The following RYR3 variants were observed in gnomAD, a reference collection of about 807,000 sequenced individuals.
RYR3 encodes brain ryanodine receptor-calcium release channel.
RYR3 carries 207 observed loss-of-function variants against 584.3 expected under a neutral mutation model. The ratio of observed to expected loss-of-function variants is 0.35; its 90% CI spans 0.32 to 0.40. The LOEUF is 0.40. Among genes scored for constraint, RYR3 ranks in the 10% least tolerant of loss-of-function variants. RYR3 has a pLI of 1.00. For synonymous variants in RYR3, 2,416 were observed against 2,248.5 expected (o/e 1.07, Z -2.11); for missense variants, 5,616 against 6,089.2 (o/e 0.92, Z 2.59).
chr15:33,662,527 G>A lies in RYR3; in HGVS notation c.4997G>A (p.Arg1666Lys), dbSNP rs763415595. The A allele has an allele frequency of 3.7e-6, 6 of 1,614,008 alleles. No individual in the cohort carries two copies. The highest frequency in any genetic ancestry group is 4.2e-6 in the Non-Finnish European group (5 of 1,179,904). ...AGAACATGTCTCAAGCCCGGGTTCA[G>A]GTTCTCCACCCCTTGCTTTGTTGTG... Reference protein sequence around the residue: ...GLRTCLKPGFRFSTPCFVVTG... With the variant: ...GLRTCLKPGFKFSTPCFVVTG... Residue 1666 changes from arginine to lysine, a missense_variant, in exon 35 of 104, where the codon AGG becomes AAG. By Grantham distance (26) the Arg-to-Lys change is conservative. Transcript: ENST00000634891.
intron 1 of RYR3, among the ~76,000 whole-genome samples, chr15:33,445,664 AACACACACACACACACACACAC>A (rs61585713): frequency 8.5e-5 from 9 of 106,036 alleles, no homozygotes; most frequent in South Asian, 7.8e-4. Context: ...TTCCCCCACC[AACACACACACACACACACACAC>A]ACACACACAC....
intron 60 of RYR3, among the ~76,000 whole-genome samples, chr15:33,763,962 T>C (rs2072763667): frequency 6.9e-6 from 1 of 144,388 alleles, no homozygotes; most frequent in Non-Finnish European, 1.5e-5. Context: ...GAAATAGGAA[T>C]GCTTTTACAC....
chr15:33,660,965 C>A (rs762166857), intron 34 of RYR3, among the ~76,000 whole-genome samples: 2 of 152,198 alleles, frequency 1.3e-5, no homozygotes, highest in African/African-American at 4.8e-5. Context: ...TAAGTATAAT[C>A]TGGTACAGTT....
intron 82 of RYR3, chr15:33,825,878 TC>T (rs1274887146): frequency 1.1e-5 from 6 of 526,974 alleles, no homozygotes; most frequent in Non-Finnish European, 2.0e-5. Context: ...GATTACAGGC[TC>T]CCACCACCAC....
chr15:33,588,388 AT>A, intron 16 of RYR3, among the ~76,000 whole-genome samples: 1 of 152,282 alleles, frequency 6.6e-6, no homozygotes, highest in East Asian at 1.9e-4. Flanking sequence ...TAATTTTGTG[AT>A]TTTAGTTTTA....
chr15:33,505,915 C>A (rs1807352905), intron 3 of RYR3, among the ~76,000 whole-genome samples: 2 of 152,152 alleles, frequency 1.3e-5, no homozygotes, highest in African/African-American at 4.8e-5. Context: ...TAGACCCAGC[C>A]TACCATGGTC....
intron 1 of RYR3, among the ~76,000 whole-genome samples, chr15:33,338,537 T>C (rs528914703): frequency 3.9e-5 from 6 of 152,298 alleles, no homozygotes; most frequent in African/African-American, 1.2e-4. Context: ...AGACAAGTTA[T>C]CAATTTCCAT....
At chr15:33,760,308 G>A (rs112032882) in intron 60 of RYR3, among the ~76,000 whole-genome samples, 1 of 152,072 alleles carries the variant, frequency 6.6e-6, no homozygotes, top group Non-Finnish European at 1.5e-5. Context: ...GCAAATGGGC[G>A]AAATGCCCCA....
intron 1 of RYR3, among the ~76,000 whole-genome samples, chr15:33,420,669 A>ATT (rs111358737): frequency 6.6e-5 from 10 of 150,886 alleles, no homozygotes; most frequent in South Asian, 2.1e-4. Flanking sequence ...TTTTCCTTCG[A>ATT]TTTTTTTTTT....
Position 33,647,452 on chromosome 15 carries a change from A to T in RYR3, c.3970A>T (p.Thr1324Ser). 1 of 1,604,738 alleles carries T rather than the reference A, an allele frequency of 6.2e-7. No homozygotes were observed. The highest frequency in any genetic ancestry group is 8.5e-7 in the Non-Finnish European group (1 of 1,171,672). The stretch of plus-strand genomic sequence containing the variant: ...ACAGATGCAAGAAATACTCTCTCAT[A>T]CAACAACAGTAAGTAAATGTGCTCA... The part of the protein sequence containing the change: ...RKQMQEILSH[T>S]TTQCYYAIRI... Residue 1324 changes from threonine to serine, a missense_variant, in exon 30 of 104, where the codon ACA becomes TCA. Physicochemically the swap from Thr to Ser is moderately conservative, Grantham distance 58. This residue lies in a region of RYR3 where 753 missense variants were observed against 741.0 expected (regional missense o/e 1.02). Transcript: ENST00000634891.
At chr15:33,639,553 T>A (rs1338376628) in intron 27 of RYR3, among the ~76,000 whole-genome samples, 2 of 152,146 alleles carry the variant, frequency 1.3e-5, no homozygotes, top group African/African-American at 4.8e-5. Context: ...TTGTAGCGCC[T>A]ACCTCCCCCC....
intron 3 of RYR3, among the ~76,000 whole-genome samples, chr15:33,523,686 C>T (rs534901954): frequency 6.6e-6 from 1 of 152,140 alleles, no homozygotes; most frequent in East Asian, 1.9e-4. Context: ...GTGAGGCAGC[C>T]TTGAGAAGCA....
intron 67 of RYR3, 74 bp from the exon 68 acceptor site, chr15:33,800,696 G>T: frequency 9.6e-7 from 1 of 1,043,598 alleles, no homozygotes; most frequent in Non-Finnish European, 1.5e-6. Flanking sequence ...TCCAGTGCTG[G>T]TATAATTTTT....
chr15:33,561,839 C>T lies in RYR3; in HGVS notation c.973-998C>T, dbSNP rs113465763. 3.8e-3 allele frequency among the ~76,000 whole-genome samples: 570 copies of T among 151,052 alleles called. 4 individuals carry two copies. The highest frequency in any genetic ancestry group is 0.013 in the African/African-American group (542 of 41,070). ...CACTTGAGCCTGGGGGCAGAGGTTG[C>T]AGTGAGCCAAGATTGTACCACTGTC... On this transcript the variant is annotated intron_variant, in intron 10 of 103. Coordinates refer to ENST00000634891, the MANE Select transcript of RYR3 (RefSeq NM_001036.6).
chr15:33,768,496 G>C (rs1461521001), intron 60 of RYR3, among the ~76,000 whole-genome samples, 162 bp from the exon 61 acceptor site: 1 of 152,222 alleles, frequency 6.6e-6, no homozygotes, highest in Non-Finnish European at 1.5e-5. Flanking sequence ...ACATGTTCCT[G>C]AGTGTGGACC....
Position 33,697,901 on chromosome 15 carries a change from G to T in RYR3, c.6154G>T (p.Val2052Leu). 6.2e-7 allele frequency: 1 copy of T among 1,611,458 alleles called. No individual in the cohort carries two copies. The highest frequency in any genetic ancestry group is 1.1e-5 in the South Asian group (1 of 91,014). Residue 2052 changes from valine (V) to leucine (L), a missense_variant, in exon 40 of 104, where the codon GTG becomes TTG. This residue lies in a region of RYR3 where 1,280 missense variants were observed against 1,426.2 expected (regional missense o/e 0.90). Transcript: ENST00000634891. ...NGLGDIMNNKVFYQHPNLMRV... is the reference protein window; with the variant it reads ...NGLGDIMNNKLFYQHPNLMRV... The stretch of plus-strand genomic sequence containing the variant: ...TCCTAGAGACATAATGAACAACAAG[G>T]TGTTTTACCAGCATCCCAACCTCAT...
chr15:33,659,403 G>C (rs1175226538), intron 32 of RYR3, among the ~76,000 whole-genome samples: 1 of 152,222 alleles, frequency 6.6e-6, no homozygotes, highest in Admixed American at 6.5e-5. Flanking sequence ...CCAGCAGCAG[G>C]TATGCCTTTG....
At chr15:33,777,907 C>T (rs953891857) in intron 64 of RYR3, among the ~76,000 whole-genome samples, 3 of 152,176 alleles carry the variant, frequency 2.0e-5, no homozygotes, top group African/African-American at 2.4e-5. Context: ...CGGTGGCTCA[C>T]GCCTGTAATC....
chr15:33,423,681 CCATCCTAGTGGGTGTGAAGTAGAATCT>C (rs1330995732), intron 1 of RYR3, among the ~76,000 whole-genome samples: 9 of 152,112 alleles, frequency 5.9e-5, no homozygotes, highest in Non-Finnish European at 1.0e-4. Flanking sequence ...ATTGTCATAG[CCATCCTAGTGGGTGTGAAGTAGAATCT>C]CATTGTGCTC....
Sources: gnomAD v4.1 joint callset for allele counts (sites outside exome capture counted in the v4.1 genomes callset) on GRCh38, gnomAD v4.1.1 for gene constraint, gnomAD v4.1.1 regional missense constraint, MANE v1.5 for transcripts, NCBI Gene and HGNC (gene_info 2026-07-23, HGNC 2026-07-21) for gene names.